Variants in MGAT4C observed in about 807,000 individuals in gnomAD.
MGAT4C encodes the protein MGAT4 family member C.
Under a neutral mutation model 40.1 loss-of-function variants are expected in MGAT4C, and 19 were observed. The ratio of observed to expected loss-of-function variants is 0.47; its 90% CI spans 0.33 to 0.70. The LOEUF (loss-of-function observed/expected upper bound fraction) is 0.70, where lower values mean the gene tolerates loss of function less well. Among genes scored for constraint, MGAT4C ranks in the 30% least tolerant of loss-of-function variants. The probability of loss-of-function intolerance (pLI) is 0.02; values close to 1 mark genes in which losing one functional copy is unlikely to be tolerated. For missense variants in MGAT4C, 491 were observed against 563.2 expected (o/e 0.87, Z 1.30); for synonymous variants, 181 against 187.1 (o/e 0.97, Z 0.27).
At chr12:86,443,345 A>G (rs1178215907) in intron 2 of MGAT4C, among the ~76,000 whole-genome samples, 4 of 152,190 alleles carry the variant, frequency 2.6e-5, no homozygotes, top group African/African-American at 9.7e-5. Flanking sequence ...ATTAAACTGA[A>G]ATTTCAACCC....
intron 2 of MGAT4C, among the ~76,000 whole-genome samples, chr12:86,616,512 T>C (rs1962453474): frequency 6.6e-6 from 1 of 152,124 alleles, no homozygotes; most frequent in Admixed American, 6.5e-5. Flanking sequence ...TTCACAAGTG[T>C]AGTTCATGTA....
rs559967510 is a variant in MGAT4C, at chr12:86,697,749, T to C, written c.-229+29460A>G. 2.6e-5 allele frequency among the ~76,000 whole-genome samples: 4 copies of C among 152,260 alleles called. No individual in the cohort carries two copies. The East Asian group carries it at 7.7e-4, about 29-fold the overall frequency. ...GCAATAATGATGTTGATAAAGCTGA[T>C]GACAATGATGATGACAGTGACAAAG... On this transcript the variant is annotated intron_variant, in intron 2 of 7. Coordinates refer to the MGAT4C transcript ENST00000548651.
At chr12:86,073,987 T>G (rs889118177) in intron 1 of MGAT4C, among the ~76,000 whole-genome samples, 5 of 152,112 alleles carry the variant, frequency 3.3e-5, no homozygotes, top group Non-Finnish European at 1.5e-5. Flanking sequence ...TCAGTTTGAA[T>G]TGTACCTCCC....
intron 2 of MGAT4C, among the ~76,000 whole-genome samples, chr12:86,486,486 GA>G (rs374900364): frequency 3.9e-4 from 59 of 149,436 alleles, no homozygotes; most frequent in East Asian, 1.8e-3. Context: ...AATCAAGAAG[GA>G]AAAAAAAGGG....
At chr12:86,776,549 T>C (rs1204745256) in intron 1 of MGAT4C, among the ~76,000 whole-genome samples, 6 of 152,054 alleles carry the variant, frequency 3.9e-5, no homozygotes, top group African/African-American at 1.4e-4. Flanking sequence ...TACCCTACTT[T>C]CTAAGTGATC....
In MGAT4C at chr12:86,665,095, C is replaced by T. The variant is rs543420834; in HGVS notation, c.-229+62114G>A. ...CTATCTGGTCCATGTTGTACTTTAA[C>T]TTTATTAAAATTAGACAAACTGTCT... On this transcript the variant is annotated intron_variant, in intron 2 of 7. Transcript: ENST00000548651. 6.6e-5 allele frequency among the ~76,000 whole-genome samples: 10 copies of T among 151,790 alleles called. No individual in the cohort carries two copies. The South Asian group carries it at 1.5e-3, about 22-fold the overall frequency.
At chr12:86,387,329 T>C (rs1016297400) in intron 3 of MGAT4C, among the ~76,000 whole-genome samples, 2 of 152,106 alleles carry the variant, frequency 1.3e-5, no homozygotes, top group African/African-American at 4.8e-5. Flanking sequence ...TCAATATTCA[T>C]CCTCTGTTTT....
intron 3 of MGAT4C, among the ~76,000 whole-genome samples, chr12:86,347,543 T>C (rs1955067287): frequency 1.3e-5 from 2 of 152,196 alleles, no homozygotes; most frequent in South Asian, 4.1e-4. Context: ...AGAGTATACA[T>C]TGTCAATTAC....
At chr12:86,774,778 C>A (rs1225419297) in intron 1 of MGAT4C, among the ~76,000 whole-genome samples, 1 of 151,988 alleles carries the variant, frequency 6.6e-6, no homozygotes, top group African/African-American at 2.4e-5. Flanking sequence ...GCAATTCAAG[C>A]AGTTTCATAC....
intron 1 of MGAT4C, among the ~76,000 whole-genome samples, chr12:86,229,614 A>G (rs1047568236): frequency 3.3e-5 from 5 of 152,026 alleles, no homozygotes; most frequent in Admixed American, 2.0e-4. Context: ...ATAATAGAGT[A>G]ATGATTACAA....
intron 3 of MGAT4C, among the ~76,000 whole-genome samples, chr12:86,417,083 C>T (rs1038897177): frequency 1.4e-4 from 22 of 152,010 alleles, no homozygotes; most frequent in Admixed American, 6.6e-4. Context: ...GAAACTAATA[C>T]ATCCAATAAA....
chr12:86,807,975 T>C (rs986526779), intron 1 of MGAT4C, among the ~76,000 whole-genome samples: 1 of 147,692 alleles, frequency 6.8e-6, no homozygotes, highest in African/African-American at 2.5e-5. Flanking sequence ...TAATGGTTTT[T>C]TTTTCTTATA....
Position 86,768,870 on chromosome 12 carries a change from A to T in MGAT4C, c.-261-41629T>A, listed in dbSNP as rs1204916239. Among the ~76,000 whole-genome samples the T allele has an allele frequency of 5.3e-5, 8 of 152,248 alleles. No homozygotes were observed. In the South Asian group the frequency reaches 1.7e-3, roughly 32 times the overall value. ...TACACCTTATACAAAAATTAATTCA[A>T]GATGGATTAAAGACTTAAACATTAG... is the stretch of plus-strand genomic sequence containing the variant. On this transcript the variant is annotated intron_variant, in intron 1 of 7. Transcript: ENST00000548651.
intron 1 of MGAT4C, among the ~76,000 whole-genome samples, chr12:86,119,008 T>G (rs988604543): frequency 2.0e-5 from 3 of 152,084 alleles, no homozygotes; most frequent in Admixed American, 6.6e-5. Flanking sequence ...AAGAGTTGAC[T>G]GTGAAAAATG....
intron 1 of MGAT4C, among the ~76,000 whole-genome samples, chr12:86,203,715 T>C (rs1208947257): frequency 6.6e-6 from 1 of 151,996 alleles, no homozygotes; most frequent in Non-Finnish European, 1.5e-5. Context: ...CCCAGCACTT[T>C]GGGAGGTTGA....
chr12:86,043,261 TC>T (rs1373713738), intron 2 of MGAT4C, among the ~76,000 whole-genome samples: 8 of 152,068 alleles, frequency 5.3e-5, no homozygotes. Context: ...CAAGGTGAAG[TC>T]CCACAATAGG....
chr12:86,077,164 G>A (rs1869894236), intron 1 of MGAT4C, among the ~76,000 whole-genome samples: 1 of 152,048 alleles, frequency 6.6e-6, no homozygotes, highest in East Asian at 1.9e-4. Context: ...GTATCCTTCT[G>A]TCCAATCAAG....
chr12:86,356,811 C>G (rs920049799), intron 3 of MGAT4C, among the ~76,000 whole-genome samples: 3 of 152,056 alleles, frequency 2.0e-5, no homozygotes, highest in Non-Finnish European at 4.4e-5. Flanking sequence ...AGTAGATAAA[C>G]AAAGTGGCCA....
chr12:86,002,668 A>G (rs1033460227), intron 2 of MGAT4C, among the ~76,000 whole-genome samples: 4 of 149,656 alleles, frequency 2.7e-5, no homozygotes, highest in African/African-American at 9.8e-5. Context: ...TTCTATGTAT[A>G]TACAGAATAT....
Sources: allele counts gnomAD v4.1 joint callset (sites outside exome capture counted in the v4.1 genomes callset), GRCh38; gene constraint gnomAD v4.1.1; transcripts MANE v1.5; gene names NCBI Gene and HGNC (gene_info 2026-07-23, HGNC 2026-07-21).